Variants in SRD5A2 observed in about 807,000 individuals in gnomAD.
SRD5A2 encodes steroid 5 alpha-reductase 2.
Under a neutral mutation model 27.4 loss-of-function variants are expected in SRD5A2, and 30 were observed. The observed-to-expected ratio is 1.10, with a 90% CI of 0.82 to 1.49. SRD5A2 has a LOEUF of 1.49. Among genes scored for constraint, SRD5A2 ranks in the 40% most tolerant of loss-of-function variants. The probability of loss-of-function intolerance (pLI) is 0.00; values close to 1 mark genes in which losing one functional copy is unlikely to be tolerated. For missense variants in SRD5A2, 348 were observed against 323.4 expected (o/e 1.08, Z -0.58); for synonymous variants, 141 against 133.6 (o/e 1.06, Z -0.38).
chr2:31,528,525 TG>T (rs772337204), intron 4 of SRD5A2, among the ~76,000 whole-genome samples: 11 of 152,268 alleles, frequency 7.2e-5, no homozygotes, highest in Non-Finnish European at 1.2e-4. Flanking sequence ...CCCAGCCCTT[TG>T]GGAGGCCGAG....
Position 31,580,732 on chromosome 2 carries a change from C to T in SRD5A2, c.169G>A (p.Glu57Lys). ...GCGGGCACCGCGAAGGAAGGCAGCT[C>T]CTGCAGGAACCAGGCGGCGCGGGCT... is the stretch of plus-strand genomic sequence containing the variant. ...LPARAAWFLQ[E>K]LPSFAVPAGI... Residue 57 changes from glutamate (E) to lysine (K), a missense_variant, in exon 1 of 5, where the codon GAG (glutamate) becomes AAG (lysine). Coordinates refer to ENST00000622030, the MANE Select transcript of SRD5A2 (RefSeq NM_000348.4). 1 of 1,608,868 alleles carries T rather than the reference C, an allele frequency of 6.2e-7. No individual in the cohort carries two copies. Among genetic ancestry groups the T allele is most frequent in the Non-Finnish European group, 8.5e-7 (1 of 1,179,566 alleles).
At chr2:31,532,463 C>T (rs1665930709) in intron 2 of SRD5A2, among the ~76,000 whole-genome samples, 2 of 151,950 alleles carry the variant, frequency 1.3e-5, no homozygotes, top group Admixed American at 1.3e-4. Flanking sequence ...TACTTAGCCA[C>T]ATATCCTGGA....
the SRD5A2 span, among the ~76,000 whole-genome samples, chr2:31,598,313 G>C: frequency 6.6e-6 from 1 of 151,804 alleles, no homozygotes; most frequent in Non-Finnish European, 1.5e-5. Flanking sequence ...GTGCAAGGGG[G>C]GTGAGAAATA....
intron 1 of SRD5A2, among the ~76,000 whole-genome samples, 152 bp downstream of exon 1, chr2:31,580,468 G>A (rs1023156943): frequency 1.3e-5 from 2 of 152,110 alleles, no homozygotes; most frequent in Admixed American, 6.6e-5. Context: ...CCCGGCCCCC[G>A]CCAGGTGCGC....
chr2:31,577,463 T>A (rs1666982824), intron 1 of SRD5A2, among the ~76,000 whole-genome samples: 1 of 152,214 alleles, frequency 6.6e-6, no homozygotes, highest in Non-Finnish European at 1.5e-5. Flanking sequence ...ACCAGCTCTT[T>A]GTATACAATG....
upstream of SRD5A2, among the ~76,000 whole-genome samples, chr2:31,581,885 C>G (rs1667090326): frequency 6.6e-6 from 1 of 152,224 alleles, no homozygotes; most frequent in South Asian, 2.1e-4. Flanking sequence ...TTCTTTCTCT[C>G]TTCCGTTTCC....
chr2:31,588,951 T>C, the SRD5A2 span, among the ~76,000 whole-genome samples: 2 of 152,116 alleles, frequency 1.3e-5, no homozygotes, highest in Admixed American at 6.6e-5. Context: ...AGAACTACCA[T>C]GGGAACATAC....
the SRD5A2 span, among the ~76,000 whole-genome samples, chr2:31,590,231 C>A: frequency 2.2e-5 from 3 of 136,100 alleles, no homozygotes; most frequent in Non-Finnish European, 4.6e-5. Context: ...CTCTTGGGAG[C>A]TCTATGGCCC....
chr2:31,623,722 T>C, the SRD5A2 span, among the ~76,000 whole-genome samples: 5 of 152,260 alleles, frequency 3.3e-5, no homozygotes, highest in African/African-American at 9.6e-5. Flanking sequence ...CCATTTAGTA[T>C]GATGTTGGCT....
chr2:31,630,247 C>T, the SRD5A2 span, among the ~76,000 whole-genome samples: 4 of 150,538 alleles, frequency 2.7e-5, no homozygotes, highest in Non-Finnish European at 5.9e-5. Flanking sequence ...TCTATGAAAA[C>T]GTAAGAGATT....
upstream of SRD5A2, among the ~76,000 whole-genome samples, chr2:31,585,271 G>A (rs1667155802): frequency 6.6e-6 from 1 of 152,128 alleles, no homozygotes; most frequent in Admixed American, 6.5e-5. Flanking sequence ...CTGAACTAGG[G>A]CCAGAGACAG....
At chr2:31,570,237 T>C (rs913758466) in intron 1 of SRD5A2, among the ~76,000 whole-genome samples, 12 of 152,200 alleles carry the variant, frequency 7.9e-5, no homozygotes, top group Admixed American at 7.9e-4. Context: ...TGCAAATCAG[T>C]AAATGTGATT....
At chr2:31,604,303 A>T in the SRD5A2 span, among the ~76,000 whole-genome samples, 1 of 151,864 alleles carries the variant, frequency 6.6e-6, no homozygotes, top group African/African-American at 2.4e-5. Context: ...GACAAGAGAA[A>T]GAAATACAGG....
chr2:31,614,835 C>G, the SRD5A2 span, among the ~76,000 whole-genome samples: 272 of 152,244 alleles, frequency 1.8e-3, 3 homozygotes, highest in African/African-American at 6.3e-3. Context: ...TCATCCCAAT[C>G]TTATCTTTAA....
chr2:31,530,516 G>T (rs902446054), intron 3 of SRD5A2, among the ~76,000 whole-genome samples: 1 of 152,112 alleles, frequency 6.6e-6, no homozygotes, highest in Non-Finnish European at 1.5e-5. Context: ...ATTTTTGTTT[G>T]ATGTAGATAC....
chr2:31,660,602 G>A, the SRD5A2 span, among the ~76,000 whole-genome samples: 28 of 151,858 alleles, frequency 1.8e-4, 1 homozygote, highest in East Asian at 2.9e-3. Context: ...TGTTGATAAC[G>A]GGGGACACTA....
chr2:31,629,040 T>C, the SRD5A2 span, among the ~76,000 whole-genome samples: 4 of 152,180 alleles, frequency 2.6e-5, no homozygotes, highest in African/African-American at 7.2e-5. Context: ...TAAAAACTTA[T>C]TGGTGAACCT....
the SRD5A2 span, among the ~76,000 whole-genome samples, chr2:31,623,119 CAA>C: frequency 6.6e-6 from 1 of 152,026 alleles, no homozygotes; most frequent in African/African-American, 2.4e-5. Context: ...GTCTCCTTTG[CAA>C]AACTTCTTGA....
At chr2:31,552,571 C>G (rs1379123550) in intron 1 of SRD5A2, among the ~76,000 whole-genome samples, 1 of 152,062 alleles carries the variant, frequency 6.6e-6, no homozygotes, top group African/African-American at 2.4e-5. Context: ...GGCATCTCAC[C>G]AAGAAGAGAG....
Sources: gnomAD v4.1 joint callset for allele counts (sites outside exome capture counted in the v4.1 genomes callset) on GRCh38, gnomAD v4.1.1 for gene constraint, MANE v1.5 for transcripts, NCBI Gene and HGNC (gene_info 2026-07-23, HGNC 2026-07-21) for gene names.